ERP27: variants seen among roughly 807,000 people sequenced by gnomAD.
The protein encoded by ERP27 is endoplasmic reticulum protein 27.
A neutral mutation model predicts 27.7 loss-of-function variants in ERP27; 23 were observed. The ratio of observed to expected loss-of-function variants is 0.83; its 90% CI spans 0.60 to 1.18. The LOEUF is 1.18. ERP27 is among the 50% of genes most tolerant of loss of function. The pLI is 0.00. For missense variants in ERP27, 363 were observed against 327.9 expected (o/e 1.11, Z -0.83); for synonymous variants, 159 against 118.3 (o/e 1.34, Z -2.23).
At position 14,920,968 on chromosome 12, in the gene ERP27, G is replaced by T. The variant is rs773105045; in HGVS notation, c.414C>A (p.Ile138=). 23 of 1,613,990 alleles carry T rather than the reference G, an allele frequency of 1.4e-5. No individual in the cohort carries two copies. The Admixed American group carries it at 1.7e-4, about 12-fold the overall frequency. ...ACTCTGTCACCATGTGGAGGCTGTT[G>T]ATCTCAATGAAACGGCTCAATTTGG... The part of the protein sequence containing the change: ...DATKLSRFIE[I]NSLHMVTEYN... The change falls in exon 4 of 7, where the codon ATC becomes ATA. Residue 138 remains isoleucine, a synonymous_variant. Coordinates refer to ENST00000266397, the MANE Select transcript of ERP27 (RefSeq NM_152321.4).
intron 3 of ERP27, among the ~76,000 whole-genome samples, chr12:14,925,270 G>A (rs913434708): frequency 1.3e-5 from 2 of 152,132 alleles, no homozygotes; most frequent in African/African-American, 4.8e-5. Flanking sequence ...ACTATAGTGA[G>A]GAAACCCCCT....
chr12:14,914,813 T>A (rs1356737154), intron 6 of ERP27, 31 bp from the exon 7 acceptor site: 1 of 1,564,972 alleles, frequency 6.4e-7, no homozygotes, highest in Non-Finnish European at 8.8e-7. Context: ...GATATTTAGA[T>A]TAGTAAACTG....
At chr12:14,916,187 T>C (rs1863408703) in intron 5 of ERP27, among the ~76,000 whole-genome samples, 3 of 152,190 alleles carry the variant, frequency 2.0e-5, no homozygotes, top group Admixed American at 1.3e-4. Context: ...AAAAAATGAA[T>C]TTCCTATTAT....
At chr12:14,930,983 A>T (rs1159729497) in intron 3 of ERP27, among the ~76,000 whole-genome samples, 1 of 152,214 alleles carries the variant, frequency 6.6e-6, no homozygotes, top group Non-Finnish European at 1.5e-5. Context: ...AATGAGGGAC[A>T]TTAGATAGAA....
chr12:14,937,211 C>T (rs555956967), intron 2 of ERP27, among the ~76,000 whole-genome samples: 21 of 152,210 alleles, frequency 1.4e-4, no homozygotes, highest in African/African-American at 4.6e-4. Context: ...CAACTGTGTA[C>T]GCAGAACTGA....
intron 3 of ERP27, among the ~76,000 whole-genome samples, chr12:14,926,484 G>A (rs756474257): frequency 1.8e-4 from 28 of 152,156 alleles, no homozygotes; most frequent in Non-Finnish European, 3.5e-4. Context: ...TTGGTTCTAT[G>A]TATTCCAAAT....
chr12:14,934,785 G>T, intron 3 of ERP27, 71 bp downstream of exon 3: 3 of 1,574,242 alleles, frequency 1.9e-6, no homozygotes, highest in Non-Finnish European at 2.6e-6. Flanking sequence ...GTCCTTTCCA[G>T]TCTCACAAGT....
rs148149515 is a variant in ERP27, at chr12:14,914,577, T to TGCGCGTGTGTGTGC, written c.*157_*158insGCACACACACGCGC. The TGCGCGTGTGTGTGC allele has an allele frequency of 3.9e-6, 2 of 518,642 alleles. No individual in the cohort carries two copies. The highest frequency in any genetic ancestry group is 4.0e-5 in the African/African-American group (2 of 49,434). The allele number at this position is 518,642 out of a possible 1,614,324, so 32.1% of individuals were successfully genotyped here. A position where few individuals can be genotyped will look rare whatever the true frequency, so the allele number is the denominator to read the frequency against. Reference sequence around the variant, plus strand: ...GAAGCTCTGTGTGTGTGTGTGTGTGTGCGTGTGTGTGTGCACGCGTGCGTG... The same window carrying TGCGCGTGTGTGTGC: ...GAAGCTCTGTGTGTGTGTGTGTGTGTGCGCGTGTGTGTGCGCGTGTGTGTGTGCACGCGTGCGTG... On this transcript the variant is annotated 3_prime_UTR_variant, in exon 7 of 7. Transcript: ENST00000266397.
intron 5 of ERP27, 94 bp from the exon 6 acceptor site, chr12:14,915,780 G>T: frequency 9.2e-7 from 1 of 1,084,580 alleles, no homozygotes; most frequent in Non-Finnish European, 1.3e-6. Flanking sequence ...CACACTGATT[G>T]AATTTATGGT....
intron 3 of ERP27, among the ~76,000 whole-genome samples, chr12:14,927,345 G>A (rs898195112): frequency 6.6e-6 from 1 of 151,874 alleles, no homozygotes; most frequent in East Asian, 1.9e-4. Context: ...GTGTGTGTGT[G>A]TGTATATATA....
At chr12:14,918,917 C>T (rs1435010539) in intron 4 of ERP27, among the ~76,000 whole-genome samples, 1 of 152,184 alleles carries the variant, frequency 6.6e-6, no homozygotes, top group Non-Finnish European at 1.5e-5. Context: ...TATTCTAACA[C>T]TGAGATGGAG....
rs754182336 is a variant in ERP27 at position 14,915,497 on chromosome 12, T to G, written c.766A>C (p.Lys256Gln). Residue 256 changes from lysine to glutamine, a missense_variant, in exon 6 of 7, where the codon AAA becomes CAA. Transcript: ENST00000266397. ...TGCAGTCTCACACTTACCAACAATT[T>G]TCCACTTAGGAATCCATCACAAAAG... ...QNFCDGFLSGKLLKENRESEG... is the reference protein window; with the variant it reads ...QNFCDGFLSGQLLKENRESEG... 18 of 1,613,944 alleles carry G rather than the reference T, an allele frequency of 1.1e-5. 2 individuals are homozygous for G. The South Asian group carries it at 1.3e-4, about 12-fold the overall frequency.
chr12:14,938,111 A>ATTTC, intron 1 of ERP27, 59 bp from the exon 2 acceptor site: 2 of 1,379,628 alleles, frequency 1.4e-6, no homozygotes, highest in Non-Finnish European at 2.1e-6. Flanking sequence ...GCTCTAAATA[A>ATTTC]TGAGGGCATC....
At chr12:14,917,377 G>C (rs1243385006) in intron 4 of ERP27, 74 bp from the exon 5 acceptor site, 17 of 1,595,562 alleles carry the variant, frequency 1.1e-5, no homozygotes, top group South Asian at 3.4e-5. Context: ...GGAGTGAATA[G>C]GTAGATTGAA....
At chr12:14,921,229 A>G (rs1003998577) in intron 3 of ERP27, among the ~76,000 whole-genome samples, 181 bp from the exon 4 acceptor site, 11 of 152,198 alleles carry the variant, frequency 7.2e-5, no homozygotes, top group Non-Finnish European at 1.3e-4. Context: ...GTGAAGAGAA[A>G]TTTCCCACAT....
rs561306808 is a variant in ERP27, at chr12:14,936,678, G to T, written c.195+1274C>A. On this transcript the variant is annotated intron_variant, in intron 2 of 6. Coordinates refer to ENST00000266397, the MANE Select transcript of ERP27 (RefSeq NM_152321.4). The stretch of plus-strand genomic sequence containing the variant: ...GGGCAGTTTCCCCCATGCTGTTCTC[G>T]TGATAGTGCATGAGTCACAAGATCT... 5.3e-5 allele frequency among the ~76,000 whole-genome samples: 8 copies of T among 152,148 alleles called. No homozygotes were observed. The South Asian group carries it at 1.7e-3, about 32-fold the overall frequency.
intron 3 of ERP27, among the ~76,000 whole-genome samples, chr12:14,923,794 T>C (rs1315727751): frequency 1.3e-5 from 2 of 152,192 alleles, no homozygotes; most frequent in Non-Finnish European, 2.9e-5. Context: ...ATACATTGTG[T>C]AAATAATCAA....
At position 14,934,882 on chromosome 12, in the gene ERP27, C is replaced by T. The variant is rs1863751641; in HGVS notation, c.307G>A (p.Gly103Arg). The change falls in exon 3 of 7, where the codon GGG becomes AGG. Residue 103 changes from glycine (G) to arginine (R), a missense_variant. By Grantham distance (125) the Gly-to-Arg change is moderately radical (BLOSUM62 -2). Coordinates refer to ENST00000266397, the MANE Select transcript of ERP27 (RefSeq NM_152321.4). ...AGGCGAAAGAGGCAGATGGTGTTCC[C>T]AGTGATGTTGTAGTGTGTCAGAACC... is the stretch of plus-strand genomic sequence containing the variant. ...SEVLTHYNIT[G>R]NTICLFRLVD... The T allele has an allele frequency of 3.7e-6, 6 of 1,614,010 alleles. No homozygotes were observed. Among genetic ancestry groups the T allele is most frequent in the Non-Finnish European group, 5.1e-6 (6 of 1,179,918 alleles).
At chr12:14,920,222 C>A (rs1353003830) in intron 4 of ERP27, among the ~76,000 whole-genome samples, 2 of 152,130 alleles carry the variant, frequency 1.3e-5, no homozygotes, top group Non-Finnish European at 2.9e-5. Flanking sequence ...AGGTGGAGCA[C>A]CACCTTTACT....
Sources: allele counts gnomAD v4.1 joint callset (sites outside exome capture counted in the v4.1 genomes callset), GRCh38; gene constraint gnomAD v4.1.1; transcripts MANE v1.5; gene names NCBI Gene and HGNC (gene_info 2026-07-23, HGNC 2026-07-21).